The following ANKRD30A variants were observed in gnomAD, a reference collection of about 807,000 sequenced individuals.
ANKRD30A encodes ankyrin repeat domain 30A, also known as ankyrin repeat domain-containing protein 30A.
Under a neutral mutation model 166.3 loss-of-function variants are expected in ANKRD30A, and 170 were observed. The ratio of observed to expected loss-of-function variants is 1.02; its 90% CI spans 0.90 to 1.16. The LOEUF is 1.16. ANKRD30A is among the 50% of genes most tolerant of loss of function. ANKRD30A has a pLI of 0.00. For synonymous variants in ANKRD30A, 564 were observed against 508.9 expected (o/e 1.11, Z -1.46); for missense variants, 1,630 against 1,518.0 (o/e 1.07, Z -1.23).
chr10:37,252,233 T>G, the ANKRD30A span, among the ~76,000 whole-genome samples: 1 of 152,318 alleles, frequency 6.6e-6, no homozygotes, highest in South Asian at 2.1e-4. Flanking sequence ...AAAACATTTG[T>G]TCTTGATTCC....
rs539947265 is a variant in ANKRD30A, at chr10:37,125,886, C to T, written c.99C>T (p.Ile33=). ...TCTATACCAGCAACGACTCCTACAT[C>T]GTCCACTCTGGGGATCTTAGAAAGA... ...QLVYTSNDSY[I]VHSGDLRKIH... Residue 33 remains isoleucine (I), a synonymous_variant, in exon 1 of 36, where the codon ATC becomes ATT. Coordinates refer to ENST00000361713, the MANE Select transcript of ANKRD30A (RefSeq NM_052997.3). 5 of 1,555,770 alleles carry T rather than the reference C, an allele frequency of 3.2e-6. No homozygotes were observed. In the South Asian group the frequency reaches 4.5e-5, roughly 14 times the overall value.
intron 7 of ANKRD30A, among the ~76,000 whole-genome samples, chr10:37,144,047 C>T (rs1401058428): frequency 2.0e-5 from 3 of 151,484 alleles, no homozygotes; most frequent in East Asian, 1.9e-4. Flanking sequence ...CTTTCTTTGC[C>T]GTTATTTTAT....
At chr10:37,128,522 A>G (rs1564460340) in intron 1 of ANKRD30A, among the ~76,000 whole-genome samples, 1 of 152,016 alleles carries the variant, frequency 6.6e-6, no homozygotes, top group African/African-American at 2.4e-5. Context: ...GTCAATAACT[A>G]CAGATTAATC....
At position 37,226,263 on chromosome 10, in the gene ANKRD30A, C is replaced by G. The variant is rs531121202; in HGVS notation, c.4186-5198C>G. On this transcript the variant is annotated intron_variant, in intron 34 of 35. Coordinates refer to ENST00000361713, the MANE Select transcript of ANKRD30A (RefSeq NM_052997.3). The stretch of plus-strand genomic sequence containing the variant: ...TAATGCTATCCCTCCCCCCTCCCCC[C>G]ACCCCACAACAGGCCCCGGTGTGTG... Among the ~76,000 whole-genome samples the G allele has an allele frequency of 7.2e-5, 9 of 125,718 alleles. No individual in the cohort carries two copies. In the South Asian group the frequency reaches 9.4e-4, roughly 13 times the overall value. The allele number at this position is 125,718 out of a possible 152,430, so 82.5% of individuals were successfully genotyped here. A position where few individuals can be genotyped will look rare whatever the true frequency, so the allele number is the denominator to read the frequency against.
Position 37,183,774 on chromosome 10 carries a change from TTA to T in ANKRD30A, c.2422-5689_2422-5688del, listed in dbSNP as rs1386206380. 8.1e-5 allele frequency among the ~76,000 whole-genome samples: 12 copies of T among 148,262 alleles called. 2 individuals are homozygous for T. Among genetic ancestry groups the T allele is most frequent in the Admixed American group, 7.5e-4 (11 of 14,688 alleles). On this transcript the variant is annotated intron_variant, in intron 24 of 35. Coordinates refer to ENST00000361713, the MANE Select transcript of ANKRD30A (RefSeq NM_052997.3). ...GCATCTGGTTGTAACTCCAGCAGTT[TTA>T]TATTTAAAGTATACCTAATATAATT...
intron 32 of ANKRD30A, among the ~76,000 whole-genome samples, chr10:37,216,928 TA>T (rs1200605459): frequency 6.6e-6 from 1 of 151,112 alleles, no homozygotes; most frequent in Non-Finnish European, 1.5e-5. Context: ...TATACACTTT[TA>T]ATCTTAATGT....
At chr10:37,143,241 C>T (rs147442282) in intron 7 of ANKRD30A, among the ~76,000 whole-genome samples, 290 of 152,288 alleles carry the variant, frequency 1.9e-3, no homozygotes, top group Non-Finnish European at 3.4e-3. Context: ...ATGTTTTCTG[C>T]AGGGATTCAT....
intron 2 of ANKRD30A, 96 bp from the exon 3 acceptor site, chr10:37,130,109 T>G (rs1004127100): frequency 5.1e-6 from 6 of 1,168,486 alleles, no homozygotes; most frequent in Non-Finnish European, 6.7e-6. Context: ...TTGAAACCTG[T>G]GGAATATTTA....
At chr10:37,202,072 C>T (rs1365741590) in intron 31 of ANKRD30A, among the ~76,000 whole-genome samples, 4 of 152,000 alleles carry the variant, frequency 2.6e-5, no homozygotes, top group Non-Finnish European at 5.9e-5. Flanking sequence ...ATCTGAGTAG[C>T]TGAGGAGAGG....
intron 34 of ANKRD30A, among the ~76,000 whole-genome samples, chr10:37,228,956 C>A (rs1302469242): frequency 1.3e-5 from 2 of 151,960 alleles, no homozygotes; most frequent in Non-Finnish European, 2.9e-5. Context: ...TTGGGAAAAG[C>A]TCGGCCAGGA....
intron 31 of ANKRD30A, among the ~76,000 whole-genome samples, chr10:37,210,005 G>A (rs1364810215): frequency 6.6e-6 from 1 of 152,040 alleles, no homozygotes; most frequent in Non-Finnish European, 1.5e-5. Context: ...GGTTACATGT[G>A]CAGAACATGT....
chr10:37,138,352 C>G (rs1836860613), intron 6 of ANKRD30A, among the ~76,000 whole-genome samples: 1 of 152,118 alleles, frequency 6.6e-6, no homozygotes, highest in Non-Finnish European at 1.5e-5. Context: ...CAGCTCCTCA[C>G]CAGCAACAGA....
Position 37,158,518 on chromosome 10 carries a change from C to A in ANKRD30A, c.1832C>A (p.Thr611Asn), listed in dbSNP as rs201976592. 1.5e-4 allele frequency: 248 copies of A among 1,613,494 alleles called. No homozygotes were observed. The highest frequency in any genetic ancestry group is 5.0e-4 in the Middle Eastern group (3 of 6,052). The change falls in exon 15 of 36, where the codon ACC becomes AAC. Residue 611 changes from threonine (T) to asparagine (N), a missense_variant. This residue lies in a region of ANKRD30A where 904 missense variants were observed against 818.5 expected (regional missense o/e 1.10). Transcript: ENST00000361713. ...SPNKDGLLKA[T>N]CGMKVSIPTK... ...TTTGTTTCCAAACCCATTTAGGCTA[C>A]CTGCGGAATGAAAGTTTCTATTCCA...
chr10:37,249,294 G>T, the ANKRD30A span, among the ~76,000 whole-genome samples: 1 of 152,118 alleles, frequency 6.6e-6, no homozygotes, highest in Non-Finnish European at 1.5e-5. Context: ...AATTCTATTA[G>T]TCCTTGTTGA....
chr10:37,147,433 A>G lies in ANKRD30A; in HGVS notation c.1519A>G (p.Met507Val), dbSNP rs1156875723. ...CIPESIYQKVMEINREVEEPP... is the reference protein window; with the variant it reads ...CIPESIYQKVVEINREVEEPP... The stretch of plus-strand genomic sequence containing the variant: ...ACCTGAGTCTATATATCAAAAAGTA[A>G]TGGAGATAAATAGAGAAGTAGAAGG... The change falls in exon 9 of 36, where the codon ATG becomes GTG. Residue 507 changes from methionine to valine, a missense_variant. By Grantham distance (21) the Met-to-Val change is conservative. Coordinates refer to ENST00000361713, the MANE Select transcript of ANKRD30A (RefSeq NM_052997.3). 6.3e-7 allele frequency: 1 copy of G among 1,589,994 alleles called. No homozygotes were observed. Among genetic ancestry groups the G allele is most frequent in the Non-Finnish European group, 8.6e-7 (1 of 1,168,976 alleles).
the ANKRD30A span, among the ~76,000 whole-genome samples, chr10:37,258,852 A>T: frequency 1.4e-3 from 207 of 150,480 alleles, 1 homozygote; most frequent in African/African-American, 4.9e-3. Flanking sequence ...AGTCCCAGCT[A>T]CTCGGGAGGC....
chr10:37,207,058 G>C (rs1198959881), intron 31 of ANKRD30A, among the ~76,000 whole-genome samples: 2 of 151,732 alleles, frequency 1.3e-5, no homozygotes, highest in African/African-American at 2.4e-5. Flanking sequence ...TACATGAGGG[G>C]ATCAAAAAAC....
intron 31 of ANKRD30A, among the ~76,000 whole-genome samples, chr10:37,214,429 T>C (rs536250873): frequency 6.6e-6 from 1 of 151,378 alleles, no homozygotes; most frequent in South Asian, 2.1e-4. Context: ...AAAAGTTTGC[T>C]GTCATCATGC....
chr10:37,192,558 A>G (rs1294512161), intron 25 of ANKRD30A, among the ~76,000 whole-genome samples: 1 of 152,058 alleles, frequency 6.6e-6, no homozygotes, highest in African/African-American at 2.4e-5. Context: ...GTACCTTTGA[A>G]CTCTCATCAC....
Sources: gnomAD v4.1 joint callset for allele counts (sites outside exome capture counted in the v4.1 genomes callset) on GRCh38, gnomAD v4.1.1 for gene constraint, gnomAD v4.1.1 regional missense constraint, MANE v1.5 for transcripts, NCBI Gene and HGNC (gene_info 2026-07-23, HGNC 2026-07-21) for gene names.